The following MECOM variants were observed in gnomAD, a reference collection of about 807,000 sequenced individuals.
The protein encoded by MECOM is histone-lysine N-methyltransferase MECOM.
Under a neutral mutation model 116.3 loss-of-function variants are expected in MECOM, and 13 were observed. The ratio of observed to expected loss-of-function variants is 0.11; its 90% CI spans 0.07 to 0.18. The LOEUF is 0.18. Among genes scored for constraint, MECOM ranks in the 10% least tolerant of loss-of-function variants. The probability of loss-of-function intolerance (pLI) is 1.00; values close to 1 mark genes in which losing one functional copy is unlikely to be tolerated. For missense variants in MECOM, 1,299 were observed against 1,509.0 expected (o/e 0.86, Z 2.31); for synonymous variants, 528 against 535.2 (o/e 0.99, Z 0.19).
chr3:169,579,719 C>T (rs1332509114), intron 1 of MECOM, among the ~76,000 whole-genome samples: 2 of 152,168 alleles, frequency 1.3e-5, no homozygotes, highest in Non-Finnish European at 2.9e-5. Context: ...CCTAGCTGGG[C>T]CCAAATGAAA....
At chr3:169,507,950 G>A (rs1755485942) in intron 1 of MECOM, among the ~76,000 whole-genome samples, 1 of 151,928 alleles carries the variant, frequency 6.6e-6, no homozygotes, top group South Asian at 2.1e-4. Context: ...ATGAGCCACC[G>A]CGCCCGGCCC....
chr3:169,254,150 A>G (rs779382489), intron 2 of MECOM, among the ~76,000 whole-genome samples: 24 of 152,064 alleles, frequency 1.6e-4, no homozygotes, highest in Non-Finnish European at 3.1e-4. Context: ...GGATGTGAAA[A>G]TCTTGGCATT....
At chr3:169,269,487 T>C (rs1375365302) in intron 2 of MECOM, among the ~76,000 whole-genome samples, 1 of 152,216 alleles carries the variant, frequency 6.6e-6, no homozygotes, top group Admixed American at 6.5e-5. Flanking sequence ...CTGAGTTTAG[T>C]TGCAATGAAC....
At chr3:169,292,788 G>A (rs796383245) in intron 2 of MECOM, among the ~76,000 whole-genome samples, 35 of 152,292 alleles carry the variant, frequency 2.3e-4, no homozygotes, top group African/African-American at 8.2e-4. Flanking sequence ...CTGAATTCGG[G>A]TATTGCAGAA....
chr3:169,519,883 G>T (rs1004334214), intron 1 of MECOM, among the ~76,000 whole-genome samples: 2 of 152,220 alleles, frequency 1.3e-5, no homozygotes, highest in African/African-American at 4.8e-5. Flanking sequence ...TTCAGGTGGG[G>T]TTGACTCCAT....
At chr3:169,398,732 A>C (rs1289599911) in intron 1 of MECOM, among the ~76,000 whole-genome samples, 1 of 152,172 alleles carries the variant, frequency 6.6e-6, no homozygotes, top group South Asian at 2.1e-4. Context: ...AGCAAGACCA[A>C]CAATACTCCT....
At chr3:169,437,390 G>A (rs1742837269) in intron 1 of MECOM, among the ~76,000 whole-genome samples, 1 of 152,154 alleles carries the variant, frequency 6.6e-6, no homozygotes. Flanking sequence ...AAACGTATAG[G>A]AGACATTCAA....
intron 2 of MECOM, among the ~76,000 whole-genome samples, chr3:169,241,679 G>A (rs1286159457): frequency 6.6e-6 from 1 of 152,126 alleles, no homozygotes; most frequent in Non-Finnish European, 1.5e-5. Flanking sequence ...ATTATACAGA[G>A]CACCAGATTT....
At chr3:169,114,940 T>C (rs909179846) in intron 8 of MECOM, among the ~76,000 whole-genome samples, 1 of 152,138 alleles carries the variant, frequency 6.6e-6, no homozygotes, top group African/African-American at 2.4e-5. Flanking sequence ...CAGCCCTTAT[T>C]AAGGATGTGT....
intron 11 of MECOM, among the ~76,000 whole-genome samples, chr3:169,101,856 C>A (rs1341038591): frequency 6.6e-6 from 1 of 152,116 alleles, no homozygotes; most frequent in African/African-American, 2.4e-5. Flanking sequence ...AACCAAATGT[C>A]CTGTGTTAAA....
chr3:169,476,612 G>C (rs1352792042), intron 1 of MECOM, among the ~76,000 whole-genome samples: 1 of 152,064 alleles, frequency 6.6e-6, no homozygotes, highest in Non-Finnish European at 1.5e-5. Context: ...TTCTGATAGA[G>C]GTGTCGTTAG....
rs1361533364 is a variant in MECOM at position 169,156,404 on chromosome 3, A to T, written c.376-12572T>A. ...TACTTTGTTTCAGAAAAGCATAAATATTCCCCATACATATATTTTTCTATC... is the reference window on the plus strand; with the variant it reads ...TACTTTGTTTCAGAAAAGCATAAATTTTCCCCATACATATATTTTTCTATC... On this transcript the variant is annotated intron_variant, in intron 2 of 16. Transcript: ENST00000651503. 2.6e-5 allele frequency among the ~76,000 whole-genome samples: 4 copies of T among 152,216 alleles called. 1 individual carries two copies. Among genetic ancestry groups the T allele is most frequent in the Admixed American group, 2.6e-4 (4 of 15,282 alleles).
chr3:169,651,484 G>A (rs976625464), intron 1 of MECOM, among the ~76,000 whole-genome samples: 4 of 152,076 alleles, frequency 2.6e-5, no homozygotes, highest in African/African-American at 7.2e-5. Flanking sequence ...TTTTGGTTAC[G>A]GCATTTGCAG....
intron 1 of MECOM, among the ~76,000 whole-genome samples, chr3:169,564,404 G>C (rs2109389726): frequency 6.6e-6 from 1 of 152,124 alleles, no homozygotes; most frequent in East Asian, 1.9e-4. Flanking sequence ...CCCTGTTAAA[G>C]AAAAACAATG....
chr3:169,174,681 A>T (rs895282210), intron 2 of MECOM, among the ~76,000 whole-genome samples: 3 of 152,208 alleles, frequency 2.0e-5, no homozygotes, highest in Admixed American at 6.5e-5. Context: ...GGAAATTCTG[A>T]AAAATAGCAT....
rs1255109538 is a variant in MECOM, at chr3:169,143,821, T to C, written c.387A>G (p.Glu129=). Residue 129 remains glutamate (E), a synonymous_variant, in exon 3 of 17, where the codon GAA becomes GAG. Coordinates refer to ENST00000651503, the MANE Select transcript of MECOM (RefSeq NM_004991.4). ...DPSYGWEILD[E]FYNVKFCIDA... ...CTATGCAGAACTTCACATTGTAAAA[T>C]TCGTCTAAGATCTGGAGGGAAGAAG... is the stretch of plus-strand genomic sequence containing the variant. The C allele has an allele frequency of 3.7e-6, 6 of 1,605,616 alleles. No individual in the cohort carries two copies. The South Asian group carries it at 5.6e-5, about 15-fold the overall frequency.
intron 2 of MECOM, among the ~76,000 whole-genome samples, chr3:169,148,606 C>A (rs1036076595): frequency 1.3e-5 from 2 of 152,066 alleles, no homozygotes; most frequent in African/African-American, 4.8e-5. Flanking sequence ...GCAAAGTAAG[C>A]GAGTCTAGGG....
intron 2 of MECOM, among the ~76,000 whole-genome samples, chr3:169,213,419 C>T (rs920342473): frequency 6.6e-6 from 1 of 152,030 alleles, no homozygotes; most frequent in African/African-American, 2.4e-5. Flanking sequence ...ACTTTCTTTT[C>T]TTTTCCTTTG....
Position 169,095,141 on chromosome 3 carries a change from C to T in MECOM, c.2954G>A (p.Arg985Lys). Residue 985 changes from arginine to lysine, a missense_variant, in exon 13 of 17, where the codon AGG becomes AAG. By Grantham distance (26) the Arg-to-Lys change is conservative. Around this residue, in one of 6 missense-constraint regions of MECOM, gnomAD observed 32 missense variants for 96.7 expected, o/e 0.33. Transcript: ENST00000651503. ...TAAATTGGTTTGTTGACCAAAACAC[C>T]TATCACATAAGTGACACTTAAATGG... ...EKPFKCHLCD[R>K]CFGQQTNLDR... 1 of 1,613,398 alleles carries T rather than the reference C, an allele frequency of 6.2e-7. No individual in the cohort carries two copies. Among genetic ancestry groups the T allele is most frequent in the African/African-American group, 1.3e-5 (1 of 75,004 alleles).
Sources: allele counts gnomAD v4.1 joint callset (sites outside exome capture counted in the v4.1 genomes callset), GRCh38; gene constraint gnomAD v4.1.1; regional missense constraint gnomAD v4.1.1; transcripts MANE v1.5; gene names NCBI Gene and HGNC (gene_info 2026-07-23, HGNC 2026-07-21).